Variants in PELP1 observed in about 807,000 individuals in gnomAD.
PELP1 encodes the protein proline, glutamate and leucine rich protein 1, also known as proline-, glutamic acid- and leucine-rich protein 1.
In PELP1, 32 loss-of-function variants were observed where a neutral mutation model predicts 95.5. The ratio of observed to expected loss-of-function variants is 0.34; its 90% CI spans 0.25 to 0.45. The LOEUF (loss-of-function observed/expected upper bound fraction) is 0.45. PELP1 is among the 20% of genes least tolerant of loss of function. PELP1 has a pLI of 1.00. For synonymous variants in PELP1, 668 were observed against 600.1 expected, an observed-to-expected ratio of 1.11 and a Z score of -1.65; for missense variants, 1,358 against 1,444.8, an observed-to-expected ratio of 0.94 and a Z score of 0.97.
Position 4,671,544 on chromosome 17 carries a change from A to C in PELP1, c.3301-13T>G. ...TGTCATCCTGCTCCTTTTAGGCACAAAGATACAAGATTCAGAATAGTCACA... is the reference window on the plus strand; with the variant it reads ...TGTCATCCTGCTCCTTTTAGGCACACAGATACAAGATTCAGAATAGTCACA... On this transcript the variant is annotated splice_polypyrimidine_tract_variant and intron_variant, in intron 16 of 16. Coordinates refer to ENST00000572293, the MANE Select transcript of PELP1 (RefSeq NM_014389.3). 2 of 1,613,518 alleles carry C rather than the reference A, an allele frequency of 1.2e-6. No individual in the cohort carries two copies. Among genetic ancestry groups the C allele is most frequent in the Non-Finnish European group, 1.7e-6 (2 of 1,179,746 alleles).
At chr17:4,689,853 C>T (rs1280036166) in intron 3 of PELP1, among the ~76,000 whole-genome samples, 2 of 152,118 alleles carry the variant, frequency 1.3e-5, no homozygotes, top group Middle Eastern at 3.2e-3. Flanking sequence ...TGGTGAAACC[C>T]CATCTCTACT....
rs749849821 is a variant in PELP1 at position 4,675,557 on chromosome 17, C to A, written c.1069-195G>T. The A allele has an allele frequency of 6.5e-5, 46 of 708,130 alleles. 1 individual carries two copies. Among genetic ancestry groups the A allele is most frequent in the Non-Finnish European group, 8.5e-5 (33 of 389,558 alleles). 43.9% of individuals were successfully genotyped at this position (708,130 alleles called of 1,614,324 possible). On this transcript the variant is annotated intron_variant, in intron 9 of 16. Transcript: ENST00000572293. This position sits in a 1 kb window ranked among gnomAD's most constrained non-coding sequence, Gnocchi z 4.3. ...TGGAAGGTAAGAAGGATGGCTGGGC[C>A]TCTCAGCAATGACTCAGCTGATCCC... is the stretch of plus-strand genomic sequence containing the variant.
At chr17:4,687,319 C>A (rs1331740088) in intron 3 of PELP1, among the ~76,000 whole-genome samples, 1 of 152,018 alleles carries the variant, frequency 6.6e-6, no homozygotes, top group Non-Finnish European at 1.5e-5. Context: ...CCAAGGTGGG[C>A]AGATCATGAG....
chr17:4,682,776 G>T, intron 4 of PELP1, 27 bp downstream of exon 4: 1 of 1,544,832 alleles, frequency 6.5e-7, no homozygotes, highest in East Asian at 2.3e-5. Context: ...GGGGGGCCAT[G>T]GGGAAGGGTC....
intron 5 of PELP1, among the ~76,000 whole-genome samples, chr17:4,681,793 C>G (rs963645356): frequency 6.6e-6 from 1 of 151,436 alleles, no homozygotes; most frequent in African/African-American, 2.4e-5. Flanking sequence ...AGTGAGACTC[C>G]ATCTCAAACA....
At chr17:4,691,674 C>A (rs1169472994) in intron 1 of PELP1, 1 of 529,632 alleles carries the variant, frequency 1.9e-6, no homozygotes, top group Non-Finnish European at 3.4e-6. Flanking sequence ...TCCCTCCATG[C>A]CCCACCCAAG....
At position 4,671,133 on chromosome 17, in the gene PELP1, A is replaced by G. The variant is rs976183163; in HGVS notation, c.*306T>C. 15 of 403,070 alleles carry G rather than the reference A, an allele frequency of 3.7e-5. No individual in the cohort carries two copies. Among genetic ancestry groups the G allele is most frequent in the African/African-American group, 1.0e-4 (5 of 49,094 alleles). The allele number at this position is 403,070 out of a possible 1,614,324, so 25.0% of individuals were successfully genotyped here. A position where few individuals can be genotyped will look rare whatever the true frequency, so the allele number is the denominator to read the frequency against. On this transcript the variant is annotated 3_prime_UTR_variant, in exon 17 of 17. Transcript: ENST00000572293. ...AACACGAAAGCAGGGCTGTGTCTCTATAACTCCTCATTCTTAACCCTACAC... is the reference window on the plus strand; with the variant it reads ...AACACGAAAGCAGGGCTGTGTCTCTGTAACTCCTCATTCTTAACCCTACAC...
chr17:4,697,884 A>C (rs1007572969), intron 1 of PELP1, among the ~76,000 whole-genome samples: 1 of 152,032 alleles, frequency 6.6e-6, no homozygotes, highest in Non-Finnish European at 1.5e-5. Flanking sequence ...AAGACACTTA[A>C]CTACAAATGG....
In PELP1 at chr17:4,682,972, C is replaced by A. The variant is rs374231557; in HGVS notation, c.421-20G>T. 13 of 1,457,606 alleles carry A rather than the reference C, an allele frequency of 8.9e-6. No individual in the cohort carries two copies. Among genetic ancestry groups the A allele is most frequent in the Non-Finnish European group, 1.2e-5 (13 of 1,103,650 alleles). The allele number at this position is 1,457,606 out of a possible 1,614,324, so 90.3% of individuals were successfully genotyped here. A position where few individuals can be genotyped will look rare whatever the true frequency, so the allele number is the denominator to read the frequency against. ...CTGGGTCTAAAGAAAAAAATAATGT[C>A]TCGTGCTTCCAGCCTCACCTTGATT... On this transcript the variant is annotated intron_variant, in intron 3 of 16. Transcript: ENST00000572293.
In PELP1 at chr17:4,675,810, C is replaced by A. The variant is rs894289295; in HGVS notation, c.1055G>T (p.Ser352Ile). The A allele has an allele frequency of 1.9e-6, 3 of 1,578,930 alleles. No individual in the cohort carries two copies. The East Asian group carries it at 7.0e-5, about 37-fold the overall frequency. ...LDFICRTLSVSSKNISLHGDG... is the reference protein window; with the variant it reads ...LDFICRTLSVISKNISLHGDG... ...AATCCCACTTACAATATTCTTGCTA[C>A]TGACGCTGAGGGTCCGGCAGATGAA... The change falls in exon 9 of 17, where the codon AGT becomes ATT. Residue 352 changes from serine to isoleucine, a missense_variant. Physicochemically the swap from Ser to Ile is moderately radical, Grantham distance 142. This residue lies in a region of PELP1 where 538 missense variants were observed against 628.1 expected (regional missense o/e 0.86). Transcript: ENST00000572293. This position sits in a 1 kb window ranked among gnomAD's most constrained non-coding sequence, Gnocchi z 4.3.
chr17:4,683,443 A>C (rs1466289594), intron 3 of PELP1, among the ~76,000 whole-genome samples: 1 of 149,678 alleles, frequency 6.7e-6, no homozygotes, highest in African/African-American at 2.4e-5. Flanking sequence ...GATGGTCTCG[A>C]TCTCCGACCT....
rs55794918 is a variant in PELP1, at chr17:4,694,497, C to CA, written c.250-3056dup. ...TGAAACGCCATCTCTACCAAAAATA[C>CA]AAAAAAAAAAAAATCAGCCAGGCGT... On this transcript the variant is annotated intron_variant, in intron 1 of 16. Transcript: ENST00000572293. Among the ~76,000 whole-genome samples the CA allele has an allele frequency of 1.8e-4, 10 of 54,638 alleles. 3 individuals are homozygous for CA. The highest frequency in any genetic ancestry group is 4.5e-4 in the African/African-American group (5 of 11,168). The allele number at this position is 54,638 out of a possible 152,430, so 35.8% of individuals were successfully genotyped here. A position where few individuals can be genotyped will look rare whatever the true frequency, so the allele number is the denominator to read the frequency against.
rs1912181841 is a variant in PELP1, at chr17:4,671,170, C to T, written c.*269G>A. ...TCTTAACCCTACACACAATTCTGCA[C>T]GTTTAGCATCCAGCCAGAATCCTAC... On this transcript the variant is annotated 3_prime_UTR_variant, in exon 17 of 17. Transcript: ENST00000572293. 1.2e-5 allele frequency: 6 copies of T among 512,210 alleles called. No homozygotes were observed. Among genetic ancestry groups the T allele is most frequent in the Non-Finnish European group, 1.8e-5 (5 of 284,980 alleles). The allele number at this position is 512,210 out of a possible 1,614,324, so 31.7% of individuals were successfully genotyped here.
Position 4,673,369 on chromosome 17 carries a change from G to A in PELP1, c.1726C>T (p.Arg576Cys), listed in dbSNP as rs1439876197. Residue 576 changes from arginine to cysteine, a missense_variant, in exon 15 of 17, where the codon CGC becomes TGC. Physicochemically the swap from Arg to Cys is radical, Grantham distance 180. Around this residue, in one of 7 missense-constraint regions of PELP1, gnomAD observed 538 missense variants for 628.1 expected, o/e 0.86. Transcript: ENST00000572293. This position sits in a 1 kb window ranked among gnomAD's most constrained non-coding sequence, Gnocchi z 5.7. The part of the protein sequence containing the change: ...GSSPYTSSRC[R>C]RELYCLLLAL... ...AGCAGCAGGCAGTAGAGTTCACGGCGGCAGCGGGAGCTCGTGTACGGGGAG... is the reference window on the plus strand; with the variant it reads ...AGCAGCAGGCAGTAGAGTTCACGGCAGCAGCGGGAGCTCGTGTACGGGGAG... The A allele has an allele frequency of 4.4e-6, 7 of 1,596,354 alleles. No homozygotes were observed. Among genetic ancestry groups the A allele is most frequent in the African/African-American group, 1.3e-5 (1 of 74,578 alleles).
At position 4,675,317 on chromosome 17, in the gene PELP1, T is replaced by C. The variant is rs991701872; in HGVS notation, c.1114A>G (p.Ile372Val). The C allele has an allele frequency of 1.9e-5, 30 of 1,565,190 alleles. No individual in the cohort carries two copies. Among genetic ancestry groups the C allele is most frequent in the Non-Finnish European group, 2.3e-5 (27 of 1,155,122 alleles). Residue 372 changes from isoleucine (I) to valine (V), a missense_variant, in exon 10 of 17, where the codon ATC (isoleucine) becomes GTC (valine). Transcript: ENST00000572293. This position sits in a 1 kb window ranked among gnomAD's most constrained non-coding sequence, Gnocchi z 4.3. ...AGCAGGTCCAAGGCCTCAAGGTGGA[T>C]AGAGGGCAGCAGCAGCAGCCGCAGG... is the stretch of plus-strand genomic sequence containing the variant. The part of the protein sequence containing the change: ...GPLRLLLLPS[I>V]HLEALDLLSA...
In PELP1 at chr17:4,672,016, G is replaced by A; in HGVS notation, c.2975C>T (p.Pro992Leu). Residue 992 changes from proline to leucine, a missense_variant, in exon 16 of 17, where the codon CCC becomes CTC. Pro to Leu is a moderately conservative substitution (Grantham distance 98, BLOSUM62 -3). Transcript: ENST00000572293. ...LPPALPPPES[P>L]PKVQPEPEPE... The stretch of plus-strand genomic sequence containing the variant: ...TTCGGGTTCTGGCTGCACCTTTGGG[G>A]GAGACTCAGGGGGAGGCAGAGCTGG... 6.4e-7 allele frequency: 1 copy of A among 1,571,870 alleles called. No homozygotes were observed. Among genetic ancestry groups the A allele is most frequent in the Non-Finnish European group, 8.6e-7 (1 of 1,161,308 alleles).
chr17:4,703,108 C>T (rs1323962256), intron 1 of PELP1, among the ~76,000 whole-genome samples: 1 of 152,126 alleles, frequency 6.6e-6, no homozygotes, highest in Non-Finnish European at 1.5e-5. Context: ...TCCAAAGGCT[C>T]CTAACCCGGC....
rs1301359422 is a variant in PELP1 at position 4,672,495 on chromosome 17, A to G, written c.2496T>C (p.Leu832=). 1.9e-6 allele frequency: 3 copies of G among 1,568,104 alleles called. No homozygotes were observed. In the East Asian group the frequency reaches 6.9e-5, roughly 36 times the overall value. Residue 832 remains leucine, a synonymous_variant, in exon 16 of 17, where the codon CTT becomes CTC. Transcript: ENST00000572293. The stretch of plus-strand genomic sequence containing the variant: ...GCGGGAGAGGCCCTGGGGCTGCAGG[A>G]AGTTCTTCAGGCTCCTCCTTCGCTG... ...PVPAKEEPEE[L]PAAPGPLPPP...
rs954452018 is a variant in PELP1, at chr17:4,673,023, G to A, written c.1968C>T (p.Ala656=). The part of the protein sequence containing the change: ...PTPAPVPPPE[A]PSPFRAPPFH... ...ACGGTGGGGCCCTGAAGGGCGATGG[G>A]GCCTCAGGAGGGGGAACTGGAGCAG... Residue 656 remains alanine, a synonymous_variant, in exon 16 of 17, where the codon GCC becomes GCT. Transcript: ENST00000572293. This position sits in a 1 kb window ranked among gnomAD's most constrained non-coding sequence, Gnocchi z 5.7. 6.5e-7 allele frequency: 1 copy of A among 1,535,664 alleles called. No individual in the cohort carries two copies. Among genetic ancestry groups the A allele is most frequent in the African/African-American group, 1.4e-5 (1 of 72,268 alleles).
Sources: allele counts gnomAD v4.1 joint callset (sites outside exome capture counted in the v4.1 genomes callset), GRCh38; gene constraint gnomAD v4.1.1; regional missense constraint gnomAD v4.1.1; non-coding constraint Gnocchi (gnomAD v3.1); transcripts MANE v1.5; gene names NCBI Gene and HGNC (gene_info 2026-07-23, HGNC 2026-07-21).